Variants in ETS1 observed in about 807,000 individuals in gnomAD.
ETS1 encodes protein C-ets-1.
ETS1 carries 15 observed loss-of-function variants against 58.6 expected under a neutral mutation model. The ratio of observed to expected loss-of-function variants is 0.26; its 90% CI spans 0.17 to 0.39. The LOEUF (loss-of-function observed/expected upper bound fraction) is 0.39. ETS1 is among the 10% of genes least tolerant of loss of function. The probability of loss-of-function intolerance (pLI) is 1.00; values close to 1 mark genes in which losing one functional copy is unlikely to be tolerated. For missense variants in ETS1, 417 were observed against 610.5 expected (o/e 0.68, Z 3.34); for synonymous variants, 214 against 218.2 (o/e 0.98, Z 0.17).
chr11:128,531,045 T>C (rs1038052530), intron 3 of ETS1, among the ~76,000 whole-genome samples: 4 of 152,228 alleles, frequency 2.6e-5, no homozygotes, highest in Non-Finnish European at 4.4e-5. Flanking sequence ...AAATAGTCCA[T>C]ACAAAAACCT....
intron 3 of ETS1, chr11:128,536,393 A>C (rs1335283580): frequency 1.3e-5 from 2 of 152,254 alleles, no homozygotes; most frequent in Non-Finnish European, 2.9e-5. Flanking sequence ...GTATTAATCA[A>C]ATAAAAATAT....
intron 2 of ETS1, among the ~76,000 whole-genome samples, chr11:128,566,559 A>T (rs201882961): frequency 3.9e-5 from 6 of 152,176 alleles, no homozygotes; most frequent in Non-Finnish European, 7.3e-5. Flanking sequence ...TAAGGTGGGC[A>T]GATCACGAGG....
intron 3 of ETS1, among the ~76,000 whole-genome samples, chr11:128,510,537 G>A (rs1227936781): frequency 3.3e-5 from 5 of 152,176 alleles, no homozygotes; most frequent in Non-Finnish European, 7.4e-5. Flanking sequence ...ATTGGTACAT[G>A]GAGGGCACCA....
chr11:128,561,054 T>C (rs1591663408), intron 2 of ETS1, among the ~76,000 whole-genome samples: 2 of 152,092 alleles, frequency 1.3e-5, no homozygotes, highest in South Asian at 2.1e-4. Flanking sequence ...GGAGGTGTTA[T>C]AGAGAGAGAA....
At chr11:128,490,765 C>T (rs530009908) in intron 3 of ETS1, among the ~76,000 whole-genome samples, 189 bp from the exon 4 acceptor site, 5 of 140,484 alleles carry the variant, frequency 3.6e-5, no homozygotes, top group African/African-American at 1.3e-4. Flanking sequence ...GTCACCCAGG[C>T]TGGAGTGCAG....
At position 128,471,052 on chromosome 11, in the gene ETS1, G is replaced by A. The variant is rs143166394; in HGVS notation, c.1124-7425C>T. On this transcript the variant is annotated intron_variant, in intron 8 of 9. Coordinates refer to ENST00000392668, the MANE Select transcript of ETS1 (RefSeq NM_001143820.2). Reference sequence around the variant, plus strand: ...TGCACCTTTTTCCTTAGTTATTCATGTCCCTCACCAAGTATTCTTCACCTA... The same window carrying A: ...TGCACCTTTTTCCTTAGTTATTCATATCCCTCACCAAGTATTCTTCACCTA... Among the ~76,000 whole-genome samples the A allele has an allele frequency of 1.5e-3, 234 of 152,308 alleles. 1 individual carries two copies. Among genetic ancestry groups the A allele is most frequent in the Middle Eastern group, 3.4e-3 (1 of 294 alleles).
chr11:128,485,855 T>C (rs945164260), intron 6 of ETS1, among the ~76,000 whole-genome samples: 3 of 152,254 alleles, frequency 2.0e-5, no homozygotes, highest in African/African-American at 7.2e-5. Flanking sequence ...AGGATCCTAG[T>C]GTGTAGGAAC....
At chr11:128,552,007 C>T (rs1401712912) in intron 3 of ETS1, among the ~76,000 whole-genome samples, 1 of 151,998 alleles carries the variant, frequency 6.6e-6, no homozygotes, top group Non-Finnish European at 1.5e-5. Context: ...TTAACAAACC[C>T]TAAAGTGATT....
At chr11:128,553,314 C>T (rs1394382101) in intron 3 of ETS1, among the ~76,000 whole-genome samples, 1 of 152,220 alleles carries the variant, frequency 6.6e-6, no homozygotes, top group African/African-American at 2.4e-5. Flanking sequence ...CAGGCAATTG[C>T]ATGCAAATGT....
intron 1 of ETS1, among the ~76,000 whole-genome samples, chr11:128,583,900 A>G (rs970317630): frequency 6.6e-6 from 1 of 152,232 alleles, no homozygotes; most frequent in Non-Finnish European, 1.5e-5. Context: ...AAGGCAGATC[A>G]GAAACATCCT....
intron 3 of ETS1, among the ~76,000 whole-genome samples, chr11:128,551,138 G>T (rs1409502934): frequency 6.6e-6 from 1 of 152,220 alleles, no homozygotes; most frequent in Non-Finnish European, 1.5e-5. Context: ...GAAGAGAGGG[G>T]TGCAGCAGAT....
intron 8 of ETS1, among the ~76,000 whole-genome samples, chr11:128,467,632 C>CGG (rs1221657543): frequency 2.0e-5 from 3 of 152,042 alleles, no homozygotes; most frequent in Non-Finnish European, 4.4e-5. Context: ...GAGCAGAAAA[C>CGG]GGTACTAATA....
chr11:128,560,984 T>C (rs1591663363), intron 2 of ETS1, among the ~76,000 whole-genome samples: 1 of 151,928 alleles, frequency 6.6e-6, no homozygotes, highest in Non-Finnish European at 1.5e-5. Flanking sequence ...AGGAAGATAA[T>C]CCATCCAAAG....
chr11:128,544,034 A>C (rs999023363), intron 3 of ETS1, among the ~76,000 whole-genome samples: 2 of 152,096 alleles, frequency 1.3e-5, no homozygotes, highest in African/African-American at 4.8e-5. Context: ...GCTCACCTGA[A>C]GCTCAATGTC....
Position 128,467,550 on chromosome 11 carries a change from C to T in ETS1, c.1124-3923G>A, listed in dbSNP as rs1017346860. Reference sequence around the variant, plus strand: ...CTCTTCCTCCATTCCCCCTGCAACTCCCCCTTATCCCTGTGCCCAGCCTCT... The same window carrying T: ...CTCTTCCTCCATTCCCCCTGCAACTTCCCCTTATCCCTGTGCCCAGCCTCT... On this transcript the variant is annotated intron_variant, in intron 8 of 9. Transcript: ENST00000392668. 3.9e-5 allele frequency among the ~76,000 whole-genome samples: 6 copies of T among 152,298 alleles called. No individual in the cohort carries two copies. In the East Asian group the frequency reaches 9.6e-4, roughly 24 times the overall value.
intron 3 of ETS1, among the ~76,000 whole-genome samples, chr11:128,504,523 GC>G (rs1863179129): frequency 6.6e-6 from 1 of 152,258 alleles, no homozygotes; most frequent in South Asian, 2.1e-4. Context: ...GCCAAGCTCT[GC>G]CACTGGTCAG....
intron 3 of ETS1, among the ~76,000 whole-genome samples, chr11:128,551,409 G>A (rs566638583): frequency 2.2e-4 from 34 of 152,286 alleles, no homozygotes; most frequent in Middle Eastern, 3.4e-3. Context: ...CTATGAACTC[G>A]GAATCTCAGC....
intron 3 of ETS1, among the ~76,000 whole-genome samples, chr11:128,551,491 T>A (rs964794278): frequency 1.3e-5 from 2 of 152,216 alleles, no homozygotes; most frequent in Non-Finnish European, 2.9e-5. Context: ...TGTTAGTAAA[T>A]TTGTTTTAGA....
At chr11:128,554,351 T>C (rs1210611647) in intron 3 of ETS1, among the ~76,000 whole-genome samples, 1 of 152,160 alleles carries the variant, frequency 6.6e-6, no homozygotes, top group Non-Finnish European at 1.5e-5. Flanking sequence ...ATGGTTATTA[T>C]ATGCCCCAAT....
Sources: allele counts gnomAD v4.1 joint callset (sites outside exome capture counted in the v4.1 genomes callset), GRCh38; gene constraint gnomAD v4.1.1; transcripts MANE v1.5; gene names NCBI Gene and HGNC (gene_info 2026-07-23, HGNC 2026-07-21).